RMDN2: variants seen among roughly 807,000 people sequenced by gnomAD.
RMDN2 encodes regulator of microtubule dynamics 2, also known as regulator of microtubule dynamics protein 2.
Under a neutral mutation model 52.8 loss-of-function variants are expected in RMDN2, and 61 were observed. The ratio of observed to expected loss-of-function variants is 1.16; its 90% confidence interval spans 0.94 to 1.43. The LOEUF (loss-of-function observed/expected upper bound fraction) is 1.43, where lower values mean the gene tolerates loss of function less well. Ranked by LOEUF, RMDN2 falls within the 40% of genes most tolerant of loss-of-function variation. The pLI, the probability that RMDN2 is intolerant of heterozygous loss-of-function variation, is 0.00. For missense variants in RMDN2, 592 were observed against 475.3 expected, an observed-to-expected ratio of 1.25 and a Z score of -2.28; for synonymous variants, 180 against 153.1, an observed-to-expected ratio of 1.18 and a Z score of -1.30.
intron 10 of RMDN2, among the ~76,000 whole-genome samples, chr2:38,059,245 A>G (rs1681951808): frequency 6.6e-6 from 1 of 152,242 alleles, no homozygotes; most frequent in Admixed American, 6.5e-5. Context: ...TTAAATAGCC[A>G]CATGTGACTA....
chr2:38,012,629 AT>A (rs903789072), intron 10 of RMDN2: 3 of 466,506 alleles, frequency 6.4e-6, no homozygotes, highest in South Asian at 3.2e-5. Context: ...ATTCTTAGCA[AT>A]TTTTTTCCAA....
At chr2:38,047,087 G>A (rs966563532) in intron 10 of RMDN2, among the ~76,000 whole-genome samples, 2 of 152,136 alleles carry the variant, frequency 1.3e-5, no homozygotes, top group South Asian at 4.2e-4. Context: ...ATCCAACAAA[G>A]CTGTCCTTCA....
intron 2 of RMDN2, among the ~76,000 whole-genome samples, chr2:37,937,647 C>T (rs1448860993): frequency 6.6e-6 from 1 of 152,096 alleles, no homozygotes; most frequent in African/African-American, 2.4e-5. Flanking sequence ...GTATTTTATT[C>T]TATCTGTAGC....
intron 10 of RMDN2, among the ~76,000 whole-genome samples, chr2:38,024,164 C>A (rs938758513): frequency 1.3e-5 from 2 of 151,946 alleles, no homozygotes; most frequent in Non-Finnish European, 2.9e-5. Flanking sequence ...AGAAATATAC[C>A]ATAGTTTGCT....
At chr2:38,045,264 G>A (rs564589440) in intron 10 of RMDN2, among the ~76,000 whole-genome samples, 1 of 152,112 alleles carries the variant, frequency 6.6e-6, no homozygotes, top group Non-Finnish European at 1.5e-5. Flanking sequence ...CCCTATAGAA[G>A]AAAATTAGTA....
intron 2 of RMDN2, 143 bp from the exon 3 acceptor site, chr2:37,973,897 T>C (rs1672119443): frequency 1.6e-6 from 1 of 629,052 alleles, no homozygotes; most frequent in African/African-American, 1.9e-5. Flanking sequence ...CTGTTAGGAC[T>C]GGAGCTTTTT....
intron 2 of RMDN2, among the ~76,000 whole-genome samples, chr2:37,938,623 G>A (rs1667517428): frequency 6.6e-6 from 1 of 152,164 alleles, no homozygotes; most frequent in Admixed American, 6.5e-5. Flanking sequence ...TTAGTCTTGG[G>A]AGGGTGTATG....
chr2:37,930,288 AG>A (rs1320790039), intron 2 of RMDN2, among the ~76,000 whole-genome samples: 1 of 152,242 alleles, frequency 6.6e-6, no homozygotes, highest in Admixed American at 6.5e-5. Flanking sequence ...AGGTCAAAAA[AG>A]ACTTGAGAGT....
chr2:37,937,721 A>G, intron 2 of RMDN2, among the ~76,000 whole-genome samples: 1 of 152,142 alleles, frequency 6.6e-6, no homozygotes, highest in East Asian at 1.9e-4. Flanking sequence ...AATGCTTGGA[A>G]TTTTTGCACA....
At position 38,009,915 on chromosome 2, in the gene RMDN2, G is replaced by A. The variant is rs534366140; in HGVS notation, c.1179+5699G>A. Among the ~76,000 whole-genome samples, 27 of 152,268 alleles carry A rather than the reference G, an allele frequency of 1.8e-4. 1 individual carries two copies. In the East Asian group the frequency reaches 3.1e-3, roughly 17 times the overall value. On this transcript the variant is annotated intron_variant, in intron 10 of 10. Transcript: ENST00000354545. ...GTGTGGATGTCCTTTCTGTTTATTA[G>A]TTTTCCTTCTAACAGTCAGGACCCT...
intron 10 of RMDN2, among the ~76,000 whole-genome samples, chr2:38,041,824 G>C (rs1169686165): frequency 3.3e-5 from 5 of 151,876 alleles, no homozygotes; most frequent in Non-Finnish European, 7.4e-5. Flanking sequence ...TATGGTTGTA[G>C]TTTTTTTTAT....
At chr2:38,054,180 G>C (rs1681754376) in intron 10 of RMDN2, among the ~76,000 whole-genome samples, 1 of 152,020 alleles carries the variant, frequency 6.6e-6, no homozygotes, top group African/African-American at 2.4e-5. Context: ...AATCATTTGG[G>C]TTTGTTTTAT....
At chr2:37,993,573 T>A (rs1479211630) in intron 7 of RMDN2, among the ~76,000 whole-genome samples, 6 of 151,444 alleles carry the variant, frequency 4.0e-5, no homozygotes, top group Admixed American at 1.3e-4. Context: ...AAAGCAAGAA[T>A]ACCAGTTCCA....
downstream of RMDN2, chr2:38,067,138 A>T: frequency 1.4e-6 from 1 of 733,382 alleles, no homozygotes; most frequent in Non-Finnish European, 2.4e-6. Context: ...TCCACATAGT[A>T]CATGACAGAA....
At chr2:38,067,008 C>G (rs767607930) in exon 11 of RMDN2, 1 of 1,613,630 alleles carries the variant, frequency 6.2e-7, no homozygotes, top group Non-Finnish European at 8.5e-7. Flanking sequence ...GATAAAGAGC[C>G]TTTGGTACCG....
rs578211334 is a variant in RMDN2, at chr2:37,950,325, A to G, written c.452+20596A>G. 85 of 832,402 alleles carry G rather than the reference A, an allele frequency of 1.0e-4. No individual in the cohort carries two copies. The African/African-American group carries it at 1.3e-3, about 13-fold the overall frequency. 51.6% of individuals were successfully genotyped at this position (832,402 alleles called of 1,614,324 possible). ...TGTTGGATGACTCCTCCAACAGTGA[A>G]GGTAGAAACACATTCCACAGCCATG... On this transcript the variant is annotated intron_variant, in intron 2 of 10. Coordinates refer to ENST00000354545, the MANE Select transcript of RMDN2 (RefSeq NM_001170791.3).
chr2:38,035,885 A>C (rs373370648), intron 10 of RMDN2: 6 of 152,184 alleles, frequency 3.9e-5, no homozygotes, highest in African/African-American at 9.7e-5. Flanking sequence ...GTATCTGGAC[A>C]CAGAAACTCT....
intron 10 of RMDN2, among the ~76,000 whole-genome samples, chr2:38,057,888 G>C (rs1461781064): frequency 6.6e-6 from 1 of 152,188 alleles, no homozygotes; most frequent in South Asian, 2.1e-4. Flanking sequence ...CCCAGAAGCA[G>C]AAGCTGCTGC....
At chr2:38,054,358 G>A (rs1467329396) in intron 10 of RMDN2, among the ~76,000 whole-genome samples, 6 of 152,150 alleles carry the variant, frequency 3.9e-5, no homozygotes, top group Non-Finnish European at 8.8e-5. Context: ...GTTAGATTAG[G>A]CAACTATAAA....
Sources: allele counts gnomAD v4.1 joint callset (sites outside exome capture counted in the v4.1 genomes callset), GRCh38; gene constraint gnomAD v4.1.1; transcripts MANE v1.5; gene names NCBI Gene and HGNC (gene_info 2026-07-23, HGNC 2026-07-21).